The following OSBPL10 variants were observed in gnomAD, a reference collection of about 807,000 sequenced individuals.
OSBPL10 encodes the protein oxysterol binding protein like 10, also known as oxysterol-binding protein-related protein 10.
In OSBPL10, 49 loss-of-function variants were observed where a neutral mutation model predicts 81.7. The ratio of observed to expected loss-of-function variants is 0.60; its 90% CI spans 0.48 to 0.76. The LOEUF (loss-of-function observed/expected upper bound fraction) is 0.76. OSBPL10 is among the 30% of genes least tolerant of loss of function. OSBPL10 has a pLI of 0.00. For missense variants in OSBPL10, 923 were observed against 987.8 expected, an observed-to-expected ratio of 0.93 and a Z score of 0.88; for synonymous variants, 419 against 383.6, an observed-to-expected ratio of 1.09 and a Z score of -1.08.
At chr3:31,878,814 C>CGTGTGTGTGTGTGTGT (rs1559502481) in intron 2 of OSBPL10, among the ~76,000 whole-genome samples, 1 of 104,734 alleles carries the variant, frequency 9.5e-6, no homozygotes, top group African/African-American at 3.2e-5. Context: ...TCTGCGTGTC[C>CGTGTGTGTGTGTGTGT]ATGTGTGTGT....
At chr3:31,890,360 T>C (rs538037450) in intron 1 of OSBPL10, among the ~76,000 whole-genome samples, 3 of 152,014 alleles carry the variant, frequency 2.0e-5, no homozygotes, top group Non-Finnish European at 2.9e-5. Context: ...AGTGGATTTC[T>C]TGGTTTTGTC....
At chr3:31,684,505 G>T (rs1700741029) in intron 7 of OSBPL10, among the ~76,000 whole-genome samples, 1 of 152,230 alleles carries the variant, frequency 6.6e-6, no homozygotes, top group Non-Finnish European at 1.5e-5. Flanking sequence ...GTGGGCTGGG[G>T]CAGGGGAAGG....
chr3:31,796,620 G>A (rs1699219106), intron 4 of OSBPL10, among the ~76,000 whole-genome samples: 1 of 152,132 alleles, frequency 6.6e-6, no homozygotes, highest in African/African-American at 2.4e-5. Context: ...TAACTTGGTG[G>A]TTGTGGGGGT....
chr3:31,970,842 G>T (rs1698540698), intron 1 of OSBPL10, among the ~76,000 whole-genome samples: 1 of 152,088 alleles, frequency 6.6e-6, no homozygotes, highest in African/African-American at 2.4e-5. Context: ...CTCATCTCTG[G>T]CCACACTCCA....
At chr3:31,756,820 C>T (rs879474167) in intron 4 of OSBPL10, among the ~76,000 whole-genome samples, 2 of 152,180 alleles carry the variant, frequency 1.3e-5, no homozygotes, top group Non-Finnish European at 2.9e-5. Context: ...GGGGAAACCT[C>T]CTCTTGGCTT....
intron 2 of OSBPL10, among the ~76,000 whole-genome samples, chr3:32,026,115 TAGAGAC>T (rs1699410596): frequency 1.3e-5 from 2 of 149,988 alleles, no homozygotes; most frequent in African/African-American, 4.9e-5. Context: ...GAGATAGAGA[TAGAGAC>T]AGAGATAGAG....
intron 5 of OSBPL10, among the ~76,000 whole-genome samples, chr3:31,743,962 C>A (rs900010236): frequency 2.6e-5 from 4 of 152,214 alleles, no homozygotes; most frequent in Non-Finnish European, 4.4e-5. Context: ...CCAGGGCCAA[C>A]GTATTCTCTA....
At chr3:32,068,510 G>A (rs534771218) in intron 1 of OSBPL10, among the ~76,000 whole-genome samples, 5 of 152,088 alleles carry the variant, frequency 3.3e-5, no homozygotes, top group African/African-American at 1.2e-4. Flanking sequence ...CCCTTAGCCT[G>A]TGTTCTCAAG....
chr3:31,882,308 C>T (rs983606606), intron 1 of OSBPL10, among the ~76,000 whole-genome samples: 5 of 152,134 alleles, frequency 3.3e-5, no homozygotes, highest in Admixed American at 6.6e-5. Context: ...ATTCTAATAA[C>T]GGTATTTCTG....
intron 2 of OSBPL10, chr3:31,990,146 A>G: frequency 6.2e-7 from 1 of 1,611,666 alleles, no homozygotes; most frequent in Non-Finnish European, 8.5e-7. Flanking sequence ...CGTGATTCAC[A>G]CCTCACACAA....
chr3:31,693,389 C>T (rs1440905346), intron 7 of OSBPL10, among the ~76,000 whole-genome samples: 1 of 152,200 alleles, frequency 6.6e-6, no homozygotes, highest in African/African-American at 2.4e-5. Context: ...TATATCATCA[C>T]CTATAACATC....
intron 7 of OSBPL10, among the ~76,000 whole-genome samples, chr3:31,688,934 G>C (rs1348399097): frequency 1.3e-5 from 2 of 152,186 alleles, no homozygotes; most frequent in East Asian, 1.9e-4. Context: ...GGGCCAAAAA[G>C]AATGTGGCTG....
rs554780031 is a variant in OSBPL10 at position 31,762,418 on chromosome 3, TCA to T, written c.730-14300_730-14299del. Among the ~76,000 whole-genome samples, 91 of 152,216 alleles carry T rather than the reference TCA, an allele frequency of 6.0e-4. 1 individual carries two copies. The highest frequency in any genetic ancestry group is 2.0e-3 in the African/African-American group (85 of 41,536). On this transcript the variant is annotated intron_variant, in intron 4 of 11. Coordinates refer to ENST00000396556, the MANE Select transcript of OSBPL10 (RefSeq NM_017784.5). ...GCAGTTTATAACAGTGCTTTCACAG[TCA>T]CAGTCTCTAATCCTCCCAGCTCTGT...
chr3:31,881,837 T>G (rs1695589227), intron 1 of OSBPL10, among the ~76,000 whole-genome samples: 1 of 152,178 alleles, frequency 6.6e-6, no homozygotes. Context: ...TCTAAATTAT[T>G]CTCACAATAA....
At chr3:31,829,845 C>G (rs536191764) in intron 4 of OSBPL10, among the ~76,000 whole-genome samples, 195 bp downstream of exon 4, 1 of 152,200 alleles carries the variant, frequency 6.6e-6, no homozygotes, top group African/African-American at 2.4e-5. Context: ...CCTAACAATT[C>G]ACTTAACCTA....
chr3:31,974,009 T>A (rs188635071), intron 1 of OSBPL10, among the ~76,000 whole-genome samples: 3 of 152,172 alleles, frequency 2.0e-5, no homozygotes, highest in Non-Finnish European at 4.4e-5. Context: ...TGTCTCTATA[T>A]ATGCAGTGCC....
intron 3 of OSBPL10, among the ~76,000 whole-genome samples, chr3:31,862,201 A>C (rs1701071614): frequency 6.6e-6 from 1 of 152,162 alleles, no homozygotes; most frequent in Non-Finnish European, 1.5e-5. Flanking sequence ...TTTTTAAAGA[A>C]AAAAATAGCA....
At chr3:31,872,875 C>T (rs1255790918) in intron 3 of OSBPL10, among the ~76,000 whole-genome samples, 1 of 152,170 alleles carries the variant, frequency 6.6e-6, no homozygotes, top group Non-Finnish European at 1.5e-5. Context: ...CTGCCTGCCT[C>T]AGCCTCCCAA....
At chr3:31,962,267 A>G (rs1011821373) in intron 1 of OSBPL10, among the ~76,000 whole-genome samples, 1 of 152,162 alleles carries the variant, frequency 6.6e-6, no homozygotes, top group Non-Finnish European at 1.5e-5. Context: ...GGCATCACCA[A>G]TTTTGGATTC....
Sources: gnomAD v4.1 joint callset for allele counts (sites outside exome capture counted in the v4.1 genomes callset) on GRCh38, gnomAD v4.1.1 for gene constraint, MANE v1.5 for transcripts, NCBI Gene and HGNC (gene_info 2026-07-23, HGNC 2026-07-21) for gene names.